CHST13: variants seen among roughly 807,000 people sequenced by gnomAD.
CHST13 encodes the protein C4ST-3.
In CHST13, 1 loss-of-function variant was observed where a neutral mutation model predicts 7.0. The ratio of observed to expected loss-of-function variants is 0.14; its 90% confidence interval spans 0.05 to 0.68. The LOEUF is 0.68. Ranked by LOEUF, CHST13 falls within the 30% of genes least tolerant of loss-of-function variation. The pLI is 0.82. For missense variants in CHST13, 572 were observed against 507.9 expected, an observed-to-expected ratio of 1.13 and a Z score of -1.21; for synonymous variants, 257 against 240.9, an observed-to-expected ratio of 1.07 and a Z score of -0.62.
Position 126,542,105 on chromosome 3 carries a change from C to G in CHST13, c.553C>G (p.Arg185Gly). 1 of 1,581,716 alleles carries G rather than the reference C, an allele frequency of 6.3e-7. No individual in the cohort carries two copies. The highest frequency in any genetic ancestry group is 8.6e-7 in the Non-Finnish European group (1 of 1,168,196). The change falls in exon 3 of 3, where the codon CGC becomes GGC. Residue 185 changes from arginine to glycine, a missense_variant. Physicochemically the swap from Arg to Gly is moderately radical, Grantham distance 125 (BLOSUM62 -2). Coordinates refer to ENST00000319340, the MANE Select transcript of CHST13 (RefSeq NM_152889.3). ...EPFERLASAY[R>G]NKLARPYSAA... is the part of the protein sequence containing the mutation. ...CTTCGAGCGCCTGGCATCGGCTTAC[C>G]GCAACAAGCTCGCGCGCCCCTACAG...
At chr3:126,533,073 A>G (rs1354211784) in intron 1 of CHST13, among the ~76,000 whole-genome samples, 1 of 152,178 alleles carries the variant, frequency 6.6e-6, no homozygotes, top group Admixed American at 6.5e-5. Flanking sequence ...ACTTTTGTAT[A>G]TTAATCTTGC....
At position 126,542,068 on chromosome 3, in the gene CHST13, C is replaced by A. The variant is rs1457529186; in HGVS notation, c.516C>A (p.Phe172Leu). 5 of 1,582,224 alleles carry A rather than the reference C, an allele frequency of 3.2e-6. No homozygotes were observed. The highest frequency in any genetic ancestry group is 4.3e-6 in the Non-Finnish European group (5 of 1,168,606). ...TGCGCGCCTACTTGGCCTTCCTGTT[C>A]GTGCGGGAGCCCTTCGAGCGCCTGG... is the stretch of plus-strand genomic sequence containing the variant. Reference protein sequence around the residue: ...RRLRAYLAFLFVREPFERLAS... With the variant: ...RRLRAYLAFLLVREPFERLAS... Residue 172 changes from phenylalanine (F) to leucine (L), a missense_variant, in exon 3 of 3, where the codon TTC (phenylalanine) becomes TTA (leucine). Coordinates refer to ENST00000319340, the MANE Select transcript of CHST13 (RefSeq NM_152889.3).
At position 126,524,381 on chromosome 3, in the gene CHST13, G is replaced by GGCGCCGCGCTCCTGCTCCTAT; in HGVS notation, c.59_79dup (p.Leu20_Ala26dup). 8.1e-7 allele frequency: 1 copy of GGCGCCGCGCTCCTGCTCCTAT among 1,236,474 alleles called. No individual in the cohort carries two copies. The highest frequency in any genetic ancestry group is 3.5e-5 in the South Asian group (1 of 28,766). The allele number at this position is 1,236,474 out of a possible 1,614,324, so 76.6% of individuals were successfully genotyped here. A position where few individuals can be genotyped will look rare whatever the true frequency, so the allele number is the denominator to read the frequency against. ...GCGCGTGCTGGCGGCCGCCTGTCTG[G>GGCGCCGCGCTCCTGCTCCTAT]GCGCCGCGCTCCTGCTCCTATGCGC... On this transcript the variant is annotated inframe_insertion, in exon 1 of 3. Coordinates refer to ENST00000319340, the MANE Select transcript of CHST13 (RefSeq NM_152889.3).
chr3:126,541,811 CG>C lies in CHST13; in HGVS notation c.261del (p.Gln88SerfsTer40). On this transcript the variant is annotated frameshift_variant, in exon 3 of 3. Coordinates refer to ENST00000319340, the MANE Select transcript of CHST13 (RefSeq NM_152889.3). LOFTEE classifies it low-confidence loss of function (END_TRUNC). The part of the protein sequence containing the change: ...LNSACSRHSR[R>X]QRLLQPEDLR... ...CAGCGCCTGTAGCCGCCACTCACGC[CG>C]GCAGCGCCTGCTACAGCCGGAGGAC... 6.4e-7 allele frequency: 1 copy of C among 1,558,080 alleles called. No homozygotes were observed. Among genetic ancestry groups the C allele is most frequent in the Non-Finnish European group, 8.7e-7 (1 of 1,152,816 alleles).
chr3:126,536,407 C>T, intron 2 of CHST13, 54 bp downstream of exon 2: 2 of 1,415,780 alleles, frequency 1.4e-6, no homozygotes, highest in East Asian at 2.3e-5. Flanking sequence ...CAGCCAGGAG[C>T]CTGACAGCAA....
At chr3:126,536,896 A>AACAC (rs10670471) in intron 2 of CHST13, among the ~76,000 whole-genome samples, 3,344 of 140,436 alleles carry the variant, frequency 0.024, 76 homozygotes, top group African/African-American at 0.066. Context: ...CACACACACA[A>AACAC]ACACACACAC....
At chr3:126,539,245 C>T (rs893884853) in intron 2 of CHST13, among the ~76,000 whole-genome samples, 8 of 152,104 alleles carry the variant, frequency 5.3e-5, no homozygotes, top group Admixed American at 6.5e-5. Flanking sequence ...TATGTCTGAA[C>T]GTATCTCTAA....
intron 1 of CHST13, among the ~76,000 whole-genome samples, chr3:126,533,821 A>G (rs1273188380): frequency 6.6e-6 from 1 of 152,118 alleles, no homozygotes; most frequent in Non-Finnish European, 1.5e-5. Context: ...ACATTTAGTA[A>G]AATTTACCAG....
At chr3:126,528,959 G>C (rs1334253940) in intron 1 of CHST13, among the ~76,000 whole-genome samples, 1 of 152,238 alleles carries the variant, frequency 6.6e-6, no homozygotes, top group Non-Finnish European at 1.5e-5. Flanking sequence ...GGCCACGTGG[G>C]AACCTATGCC....
At position 126,542,342 on chromosome 3, in the gene CHST13, G is replaced by A. The variant is rs1377178594; in HGVS notation, c.790G>A (p.Val264Met). ...CHPCRLRYDV[V>M]GKFETLAEDA... ...CCCGTGTCGCCTCCGCTACGACGTCGTGGGCAAGTTCGAGACGCTGGCGGA... is the reference window on the plus strand; with the variant it reads ...CCCGTGTCGCCTCCGCTACGACGTCATGGGCAAGTTCGAGACGCTGGCGGA... Residue 264 changes from valine (V) to methionine (M), a missense_variant, in exon 3 of 3, where the codon GTG (valine) becomes ATG (methionine). By Grantham distance (21) the Val-to-Met change is conservative (BLOSUM62 1). Transcript: ENST00000319340. 1 of 1,566,146 alleles carries A rather than the reference G, an allele frequency of 6.4e-7. No individual in the cohort carries two copies. The highest frequency in any genetic ancestry group is 8.6e-7 in the Non-Finnish European group (1 of 1,158,112).
At chr3:126,526,731 G>A (rs1936544123) in intron 1 of CHST13, among the ~76,000 whole-genome samples, 1 of 152,224 alleles carries the variant, frequency 6.6e-6, no homozygotes, top group South Asian at 2.1e-4. Flanking sequence ...TAGGGTCCCA[G>A]GGAGGAGGAG....
chr3:126,533,481 C>T (rs1560138744), intron 1 of CHST13, among the ~76,000 whole-genome samples: 1 of 152,142 alleles, frequency 6.6e-6, no homozygotes, highest in African/African-American at 2.4e-5. Flanking sequence ...TATTGATGAG[C>T]ATGTGGGCTT....
At chr3:126,526,012 C>G (rs561442909) in intron 1 of CHST13, among the ~76,000 whole-genome samples, 14 of 152,316 alleles carry the variant, frequency 9.2e-5, no homozygotes, top group African/African-American at 3.4e-4. Context: ...GGCTCTCCAC[C>G]TGGCCTGTCC....
chr3:126,533,292 C>T (rs560067930), intron 1 of CHST13, among the ~76,000 whole-genome samples: 23 of 152,328 alleles, frequency 1.5e-4, no homozygotes, highest in African/African-American at 5.3e-4. Context: ...AAAGCAGGCA[C>T]TCTTGCCTTG....
At chr3:126,529,410 G>A in intron 1 of CHST13, 1 of 1,288,468 alleles carries the variant, frequency 7.8e-7, no homozygotes, top group Non-Finnish European at 1.0e-6. Context: ...GTCAGGACAA[G>A]GGGGCACCCA....
intron 2 of CHST13, among the ~76,000 whole-genome samples, chr3:126,538,758 C>T (rs1352451664): frequency 6.6e-6 from 1 of 152,178 alleles, no homozygotes; most frequent in Non-Finnish European, 1.5e-5. Context: ...TGTCCCCATA[C>T]CCCCATGGCA....
In CHST13 at chr3:126,542,556, C is replaced by A; in HGVS notation, c.1004C>A (p.Pro335His). The change falls in exon 3 of 3, where the codon CCC becomes CAC. Residue 335 changes from proline (P) to histidine (H), a missense_variant. Pro to His is a moderately conservative substitution (Grantham distance 77). Coordinates refer to ENST00000319340, the MANE Select transcript of CHST13 (RefSeq NM_152889.3). Reference protein sequence around the residue: ...MDFLLFNYSAPSYLRLL With the variant: ...MDFLLFNYSAHSYLRLL Reference sequence around the variant, plus strand: ...TTCCTGCTTTTCAACTACTCCGCCCCCTCCTACCTGCGGCTGCTCTAGCGG... The same window carrying A: ...TTCCTGCTTTTCAACTACTCCGCCCACTCCTACCTGCGGCTGCTCTAGCGG... 2 of 1,506,862 alleles carry A rather than the reference C, an allele frequency of 1.3e-6. No individual in the cohort carries two copies. Among genetic ancestry groups the A allele is most frequent in the South Asian group, 1.3e-5 (1 of 75,374 alleles). The allele number at this position is 1,506,862 out of a possible 1,614,324, so 93.3% of individuals were successfully genotyped here. A position where few individuals can be genotyped will look rare whatever the true frequency, so the allele number is the denominator to read the frequency against.
intron 2 of CHST13, 55 bp from the exon 3 acceptor site, chr3:126,541,678 A>G (rs1470693146): frequency 7.3e-7 from 1 of 1,368,602 alleles, no homozygotes; most frequent in Non-Finnish European, 9.4e-7. Flanking sequence ...CGCCAGAGTC[A>G]GGGAGCCCGC....
chr3:126,534,356 TA>T (rs1936718347), intron 1 of CHST13, among the ~76,000 whole-genome samples: 1 of 152,218 alleles, frequency 6.6e-6, no homozygotes, highest in South Asian at 2.1e-4. Context: ...TTTTTACTTA[TA>T]ATAGTTCTAG....
Sources: gnomAD v4.1 joint callset for allele counts (sites outside exome capture counted in the v4.1 genomes callset) on GRCh38, gnomAD v4.1.1 for gene constraint, MANE v1.5 for transcripts, NCBI Gene and HGNC (gene_info 2026-07-23, HGNC 2026-07-21) for gene names.